Variants in VPS8 observed in about 807,000 individuals in gnomAD.
VPS8 encodes the protein vacuolar protein sorting-associated protein 8 homolog.
Under a neutral mutation model 216.4 loss-of-function variants are expected in VPS8, and 129 were observed. The observed-to-expected ratio is 0.60, with a 90% CI of 0.52 to 0.69. VPS8 has a LOEUF of 0.69. VPS8 is among the 30% of genes least tolerant of loss of function. The pLI is 0.00. For missense variants in VPS8, 1,531 were observed against 1,683.5 expected (o/e 0.91, Z 1.59); for synonymous variants, 571 against 565.4 (o/e 1.01, Z -0.14).
chr3:184,834,476 G>C (rs1720646927), intron 4 of VPS8, among the ~76,000 whole-genome samples, 173 bp from the exon 5 acceptor site: 1 of 151,858 alleles, frequency 6.6e-6, no homozygotes, highest in Non-Finnish European at 1.5e-5. Context: ...TTGTGCACAT[G>C]TACCCTAAAA....
At chr3:184,863,701 A>G (rs1726811060) in intron 16 of VPS8, among the ~76,000 whole-genome samples, 2 of 152,228 alleles carry the variant, frequency 1.3e-5, no homozygotes, top group South Asian at 2.1e-4. Flanking sequence ...TTTATAGTTC[A>G]GTCACCTTGA....
Position 184,993,993 on chromosome 3 carries a change from A to C in VPS8, c.3596A>C (p.Tyr1199Ser). ...ILQRILQDPV[Y>S]GKGKLGEIQG... ...ATTTTTTCCGATTAGGATCCAGTTT[A>C]TGGAAAAGGAAAACTTGGAGAAATC... The change falls in exon 43 of 48, where the codon TAT (tyrosine) becomes TCT (serine). Residue 1199 changes from tyrosine (Y) to serine (S), a missense_variant. By Grantham distance (144) the Tyr-to-Ser change is moderately radical. Coordinates refer to ENST00000625842, the MANE Select transcript of VPS8 (RefSeq NM_001009921.3). The C allele has an allele frequency of 6.4e-7, 1 of 1,562,104 alleles. No individual in the cohort carries two copies. The highest frequency in any genetic ancestry group is 8.7e-7 in the Non-Finnish European group (1 of 1,154,398).
rs1028223536 is a variant in VPS8 at position 185,045,537 on chromosome 3, G to A, written c.4057-2942G>A. On this transcript the variant is annotated intron_variant, in intron 46 of 47. Coordinates refer to ENST00000625842, the MANE Select transcript of VPS8 (RefSeq NM_001009921.3). ...TGTAATCCCAGCACTTTGGGAGGCC[G>A]AGGCAGGTGGACCACCTGAGGTCAG... Among the ~76,000 whole-genome samples the A allele has an allele frequency of 3.3e-5, 5 of 152,204 alleles. No homozygotes were observed. In the East Asian group the frequency reaches 9.7e-4, roughly 29 times the overall value.
rs1727691177 is a variant in VPS8 at position 184,868,056 on chromosome 3, A to G, written c.1503A>G (p.Arg501=). 1 of 1,612,832 alleles carries G rather than the reference A, an allele frequency of 6.2e-7. No homozygotes were observed. Among genetic ancestry groups the G allele is most frequent in the African/African-American group, 1.3e-5 (1 of 74,886 alleles). The change falls in exon 18 of 48, where the codon AGA becomes AGG. Residue 501 remains arginine, a synonymous_variant. Transcript: ENST00000625842. ...ATGTGATGATGCTGAGGAGCTGGAG[A>G]GAGGTGAGTTCCAAGTAATTTCACA... ...SVYVMMLRSW[R]ERVDHLLKQD...
Position 184,915,347 on chromosome 3 carries a change from A to G in VPS8, c.2263-8A>G. 2 of 1,609,140 alleles carry G rather than the reference A, an allele frequency of 1.2e-6. No homozygotes were observed. The highest frequency in any genetic ancestry group is 1.7e-6 in the Non-Finnish European group (2 of 1,178,054). On this transcript the variant is annotated splice_region_variant and splice_polypyrimidine_tract_variant and intron_variant, in intron 27 of 47. Transcript: ENST00000625842. ...GAAAATAATCAACATTTTTTTCCCAACTTGCAGGTTTTTGAATTTCTAATT... is the reference window on the plus strand; with the variant it reads ...GAAAATAATCAACATTTTTTTCCCAGCTTGCAGGTTTTTGAATTTCTAATT...
intron 19 of VPS8, 90 bp downstream of exon 19, chr3:184,869,126 T>C: frequency 1.6e-6 from 2 of 1,223,518 alleles, no homozygotes; most frequent in Non-Finnish European, 2.3e-6. Context: ...CACTTTTAGC[T>C]GAGTGTCGAA....
At chr3:184,991,610 C>T (rs979086178) in intron 42 of VPS8, among the ~76,000 whole-genome samples, 3 of 152,108 alleles carry the variant, frequency 2.0e-5, no homozygotes, top group African/African-American at 7.2e-5. Flanking sequence ...TGCCAGAGCT[C>T]TGTTGTCTTA....
chr3:185,031,886 G>A (rs542280487), intron 46 of VPS8, among the ~76,000 whole-genome samples: 30 of 152,230 alleles, frequency 2.0e-4, no homozygotes, highest in African/African-American at 6.7e-4. Flanking sequence ...AGTTGCAGCC[G>A]GGCTCGATGG....
chr3:184,958,124 C>G (rs996082634), intron 37 of VPS8, among the ~76,000 whole-genome samples: 1 of 152,088 alleles, frequency 6.6e-6, no homozygotes, highest in Non-Finnish European at 1.5e-5. Flanking sequence ...ATATTAAACG[C>G]CGGGTGGGTA....
intron 2 of VPS8, 81 bp downstream of exon 2, chr3:184,824,866 T>G: frequency 1.4e-6 from 2 of 1,381,398 alleles, no homozygotes; most frequent in African/African-American, 2.9e-5. Context: ...AGACTCTAAG[T>G]CTGTCATTTT....
At chr3:184,952,270 C>G (rs1459783795) in intron 36 of VPS8, among the ~76,000 whole-genome samples, 1 of 152,156 alleles carries the variant, frequency 6.6e-6, no homozygotes. Context: ...ATAAGATAAA[C>G]CAGTCTGCAT....
In VPS8 at chr3:184,983,077, T is replaced by C. The variant is rs541647170; in HGVS notation, c.3568T>C (p.Leu1190=). The change falls in exon 42 of 48, where the codon TTG becomes CTG. Residue 1190 remains leucine (L), a synonymous_variant. Transcript: ENST00000625842. Reference sequence around the variant, plus strand: ...AGCATTTATTGCCCTTCCATCAATCTTGCAAAGAATCTTACAGGTGAGTTA... The same window carrying C: ...AGCATTTATTGCCCTTCCATCAATCCTGCAAAGAATCTTACAGGTGAGTTA... ...MAAFIALPSI[L]QRILQDPVYG... is the part of the protein sequence containing the mutation. 5.0e-6 allele frequency: 8 copies of C among 1,608,464 alleles called. No homozygotes were observed. In the East Asian group the frequency reaches 1.8e-4, roughly 36 times the overall value.
At chr3:184,881,056 C>T (rs945779630) in intron 21 of VPS8, among the ~76,000 whole-genome samples, 1 of 152,132 alleles carries the variant, frequency 6.6e-6, no homozygotes, top group African/African-American at 2.4e-5. Flanking sequence ...ATATTCAAGG[C>T]ACTAGTCCGT....
intron 8 of VPS8, among the ~76,000 whole-genome samples, chr3:184,846,679 G>A (rs1476371326): frequency 3.9e-5 from 6 of 152,224 alleles, no homozygotes; most frequent in African/African-American, 1.4e-4. Context: ...AAGGCAAGCG[G>A]TCCAAACTCC....
chr3:184,882,293 T>G (rs1730406856), intron 21 of VPS8: 1 of 429,894 alleles, frequency 2.3e-6, no homozygotes, highest in African/African-American at 2.1e-5. Context: ...GATATTGAAT[T>G]TTGTCAGTTG....
chr3:185,050,349 G>C (rs1713939649), intron 47 of VPS8, among the ~76,000 whole-genome samples: 2 of 152,124 alleles, frequency 1.3e-5, no homozygotes. Flanking sequence ...TTACTGAGTT[G>C]TGAATGAGAC....
intron 4 of VPS8, among the ~76,000 whole-genome samples, chr3:184,833,363 A>G (rs1248361275): frequency 1.3e-5 from 2 of 152,190 alleles, no homozygotes; most frequent in Admixed American, 6.5e-5. Context: ...TAAATACATT[A>G]TTGAATTCAC....
intron 29 of VPS8, among the ~76,000 whole-genome samples, chr3:184,923,312 C>A (rs1738988140): frequency 6.6e-6 from 1 of 152,120 alleles, no homozygotes; most frequent in African/African-American, 2.4e-5. Flanking sequence ...ATTATCCCAC[C>A]TGCCAATCAG....
At chr3:184,907,535 T>G (rs751794145) in intron 25 of VPS8, among the ~76,000 whole-genome samples, 1 of 152,214 alleles carries the variant, frequency 6.6e-6, no homozygotes, top group Non-Finnish European at 1.5e-5. Context: ...GTCCCAAGAT[T>G]TATTTTCCTT....
Sources: gnomAD v4.1 joint callset for allele counts (sites outside exome capture counted in the v4.1 genomes callset) on GRCh38, gnomAD v4.1.1 for gene constraint, MANE v1.5 for transcripts, NCBI Gene and HGNC (gene_info 2026-07-23, HGNC 2026-07-21) for gene names.